LPP: variants seen among roughly 807,000 people sequenced by gnomAD.
LPP encodes the protein LIM domain containing preferred translocation partner in lipoma, also known as lipoma-preferred partner.
LPP carries 38 observed loss-of-function variants against 60.4 expected under a neutral mutation model. That is an observed-to-expected ratio of 0.63 (90% CI 0.49 to 0.83). The LOEUF is 0.83. LPP is among the 40% of genes least tolerant of loss of function. The pLI is 0.00. For synonymous variants in LPP, 328 were observed against 290.8 expected (o/e 1.13, Z -1.30); for missense variants, 902 against 783.6 (o/e 1.15, Z -1.80).
At chr3:188,308,869 T>C (rs202216920) in intron 2 of LPP, among the ~76,000 whole-genome samples, 1 of 143,366 alleles carries the variant, frequency 7.0e-6, no homozygotes, top group South Asian at 2.3e-4. Flanking sequence ...TTCTTGTTCT[T>C]GTTCTCGTTC....
At chr3:188,494,619 A>T (rs912254527) in intron 5 of LPP, among the ~76,000 whole-genome samples, 1 of 151,884 alleles carries the variant, frequency 6.6e-6, no homozygotes, top group Non-Finnish European at 1.5e-5. Context: ...ATGTATCTCA[A>T]ACTCACTTTG....
chr3:188,736,282 A>G (rs1379701322), intron 8 of LPP, among the ~76,000 whole-genome samples: 1 of 152,176 alleles, frequency 6.6e-6, no homozygotes, highest in Non-Finnish European at 1.5e-5. Flanking sequence ...TTAAGAAAAA[A>G]TATGTAAGAA....
In LPP at chr3:188,808,402, C is replaced by T. The variant is rs184368831; in HGVS notation, c.1410+48120C>T. Among the ~76,000 whole-genome samples, 14 of 152,110 alleles carry T rather than the reference C, an allele frequency of 9.2e-5. No homozygotes were observed. In the East Asian group the frequency reaches 9.7e-4, roughly 11 times the overall value. On this transcript the variant is annotated intron_variant, in intron 9 of 11. Transcript: ENST00000617246. ...GAGAGGCAGTGTGGCTGTGAGTCTC[C>T]GAAGCAGGCTGTTTCAGTGATCCTG...
intron 8 of LPP, among the ~76,000 whole-genome samples, chr3:188,730,696 C>G (rs558906318): frequency 6.6e-6 from 1 of 152,284 alleles, no homozygotes; most frequent in African/African-American, 2.4e-5. Flanking sequence ...GGCCTTAAAA[C>G]AACACAATCT....
chr3:188,469,444 A>G (rs1801261420), intron 4 of LPP, among the ~76,000 whole-genome samples: 1 of 152,076 alleles, frequency 6.6e-6, no homozygotes, highest in Admixed American at 6.6e-5. Context: ...TAGCTTGTTT[A>G]TGTCTTGCAA....
intron 2 of LPP, among the ~76,000 whole-genome samples, chr3:188,276,786 G>A (rs559900776): frequency 6.7e-5 from 10 of 148,980 alleles, no homozygotes; most frequent in South Asian, 2.1e-4. Flanking sequence ...CTTCTGCCAC[G>A]TTGGGAAGCT....
At chr3:188,515,078 A>G (rs1019062028) in intron 5 of LPP, among the ~76,000 whole-genome samples, 1 of 152,202 alleles carries the variant, frequency 6.6e-6, no homozygotes, top group African/African-American at 2.4e-5. Context: ...TTTATGTTCT[A>G]TGTTGACGTT....
In LPP at chr3:188,736,626, C is replaced by T. The variant is rs533959102; in HGVS notation, c.1241-23487C>T. On this transcript the variant is annotated intron_variant, in intron 8 of 11. Coordinates refer to ENST00000617246, the MANE Select transcript of LPP (RefSeq NM_001375462.1). ...AGAACTTTAAATGTCTCATATCTGT[C>T]AATCCAGACAGATAGATGGATGGAT... 1.9e-3 allele frequency among the ~76,000 whole-genome samples: 287 copies of T among 152,058 alleles called. 2 individuals carry two copies. Among genetic ancestry groups the T allele is most frequent in the Middle Eastern group, 6.8e-3 (2 of 294 alleles).
chr3:188,567,109 A>G (rs1315915250), intron 6 of LPP, among the ~76,000 whole-genome samples: 1 of 151,942 alleles, frequency 6.6e-6, no homozygotes, highest in Non-Finnish European at 1.5e-5. Context: ...CAGTGAGGAA[A>G]GTTTACTGGT....
intron 6 of LPP, among the ~76,000 whole-genome samples, chr3:188,531,242 A>G (rs1191136608): frequency 6.6e-6 from 1 of 152,194 alleles, no homozygotes; most frequent in East Asian, 1.9e-4. Flanking sequence ...GAAATAATAT[A>G]TAAATATATT....
chr3:188,819,367 T>C (rs1753352575), intron 9 of LPP, among the ~76,000 whole-genome samples: 1 of 151,784 alleles, frequency 6.6e-6, no homozygotes, highest in African/African-American at 2.4e-5. Context: ...CATCCATGTG[T>C]ACCCAAGTTT....
At chr3:188,683,329 C>A (rs1560059768) in intron 7 of LPP, among the ~76,000 whole-genome samples, 1 of 152,062 alleles carries the variant, frequency 6.6e-6, no homozygotes. Context: ...CCTTTTCTTT[C>A]TCATAAATGA....
chr3:188,856,086 CT>C (rs1417475182), intron 9 of LPP, among the ~76,000 whole-genome samples: 1 of 152,072 alleles, frequency 6.6e-6, no homozygotes, highest in Non-Finnish European at 1.5e-5. Flanking sequence ...GTACCAGGGG[CT>C]TTGTTGGACC....
intron 8 of LPP, among the ~76,000 whole-genome samples, chr3:188,735,794 T>C (rs1254466669): frequency 6.6e-6 from 1 of 152,214 alleles, no homozygotes; most frequent in Non-Finnish European, 1.5e-5. Context: ...AATTGTTGTG[T>C]GTCTAAACAA....
intron 9 of LPP, among the ~76,000 whole-genome samples, chr3:188,771,882 G>A (rs1004436010): frequency 1.3e-5 from 2 of 152,194 alleles, no homozygotes; most frequent in Non-Finnish European, 1.5e-5. Flanking sequence ...GAGATGGCAA[G>A]TCATGAGACT....
intron 9 of LPP, among the ~76,000 whole-genome samples, chr3:188,861,737 C>T (rs1325513111): frequency 6.6e-6 from 1 of 152,084 alleles, no homozygotes; most frequent in Admixed American, 6.5e-5. Context: ...AAAAACGTTG[C>T]ATTTGGGGGT....
At chr3:188,731,543 G>A (rs1358218122) in intron 8 of LPP, among the ~76,000 whole-genome samples, 1 of 21,352 alleles carries the variant, frequency 4.7e-5, no homozygotes, top group Non-Finnish European at 1.0e-4. Context: ...TTTGTTTTGA[G>A]ATGGAGTCTC....
chr3:188,422,913 TTGTGTGTG>T (rs10689970), intron 4 of LPP, among the ~76,000 whole-genome samples: 275 of 133,876 alleles, frequency 2.1e-3, no homozygotes, highest in African/African-American at 5.3e-3. Context: ...GGTGTCTTCT[TTGTGTGTG>T]TGTGTGTGTG....
chr3:188,495,087 A>ATATATATATATATATATATATT (rs1560478042), intron 5 of LPP, among the ~76,000 whole-genome samples: 1 of 22,624 alleles, frequency 4.4e-5, no homozygotes, highest in African/African-American at 1.2e-4. Flanking sequence ...TATATATTTT[A>ATATATATATATATATATATATT]TTTATATTTT....
Sources: gnomAD v4.1 joint callset for allele counts (sites outside exome capture counted in the v4.1 genomes callset) on GRCh38, gnomAD v4.1.1 for gene constraint, MANE v1.5 for transcripts, NCBI Gene and HGNC (gene_info 2026-07-23, HGNC 2026-07-21) for gene names.